The following ARHGEF28 variants were observed in gnomAD, a reference collection of about 807,000 sequenced individuals.
ARHGEF28 encodes the protein 190 kDa guanine nucleotide exchange factor.
Under a neutral mutation model 206.6 loss-of-function variants are expected in ARHGEF28, and 152 were observed. The observed-to-expected ratio is 0.74, with a 90% confidence interval of 0.64 to 0.84. The LOEUF (loss-of-function observed/expected upper bound fraction) is 0.84. Among genes scored for constraint, ARHGEF28 ranks in the 40% least tolerant of loss-of-function variants. ARHGEF28 has a pLI of 0.00. For synonymous variants in ARHGEF28, 763 were observed against 776.4 expected (o/e 0.98, Z 0.29); for missense variants, 2,028 against 2,073.2 (o/e 0.98, Z 0.42).
chr5:73,923,010 A>C, intron 35 of ARHGEF28: 1 of 1,350,454 alleles, frequency 7.4e-7, no homozygotes, highest in Non-Finnish European at 1.0e-6. Context: ...GGAGGGAAAA[A>C]ACACAATGAA....
rs564920564 is a variant in ARHGEF28 at position 73,638,798 on chromosome 5, C to T, written c.-12+12476C>T. On this transcript the variant is annotated intron_variant, in intron 1 of 35. Transcript: ENST00000513042. The stretch of plus-strand genomic sequence containing the variant: ...ATACTAATCGAATGAATCACCACCT[C>T]ATGTGTTGTTTTGATAGGAAGTGTA... Among the ~76,000 whole-genome samples the T allele has an allele frequency of 3.3e-5, 5 of 152,258 alleles. No homozygotes were observed. In the East Asian group the frequency reaches 9.6e-4, roughly 29 times the overall value.
chr5:73,629,866 G>A (rs1459344972), intron 1 of ARHGEF28, among the ~76,000 whole-genome samples: 4 of 152,058 alleles, frequency 2.6e-5, no homozygotes, highest in Non-Finnish European at 4.4e-5. Context: ...TAAATAACTC[G>A]AGGTCTGATT....
At chr5:73,726,832 A>G (rs1232327496) in intron 2 of ARHGEF28, among the ~76,000 whole-genome samples, 1 of 152,120 alleles carries the variant, frequency 6.6e-6, no homozygotes, top group Non-Finnish European at 1.5e-5. Context: ...GTTTCCCTTC[A>G]GTGTTGAGTG....
chr5:73,875,010 G>A lies in ARHGEF28; in HGVS notation c.2814+1764G>A, dbSNP rs1760364492. On this transcript the variant is annotated intron_variant, in intron 22 of 35. Coordinates refer to ENST00000513042, the MANE Select transcript of ARHGEF28 (RefSeq NM_001177693.2). ...AATCGCCACACTGACTTCCACAATGGTTGAACTAGTTTACAGTCCCACCAA... is the reference window on the plus strand; with the variant it reads ...AATCGCCACACTGACTTCCACAATGATTGAACTAGTTTACAGTCCCACCAA... Among the ~76,000 whole-genome samples the A allele has an allele frequency of 2.6e-5, 4 of 151,802 alleles. 1 individual carries two copies. In the South Asian group the frequency reaches 8.3e-4, roughly 32 times the overall value.
intron 35 of ARHGEF28, among the ~76,000 whole-genome samples, chr5:73,928,240 AC>A (rs1291354294): frequency 6.6e-6 from 1 of 152,004 alleles, no homozygotes; most frequent in African/African-American, 2.4e-5. Context: ...ACATGGTAAA[AC>A]CCCGTCTCTA....
At chr5:73,893,693 C>T (rs1014962846) in intron 28 of ARHGEF28, among the ~76,000 whole-genome samples, 1 of 152,170 alleles carries the variant, frequency 6.6e-6, no homozygotes, top group Non-Finnish European at 1.5e-5. Flanking sequence ...CAGTGATTCT[C>T]TACTCTGGTT....
intron 1 of ARHGEF28, among the ~76,000 whole-genome samples, chr5:73,671,708 A>G (rs1330724463): frequency 6.8e-4 from 9 of 13,164 alleles, no homozygotes; most frequent in African/African-American, 1.9e-3. Flanking sequence ...ATATATATAT[A>G]TATATATATA....
chr5:73,774,247 G>A (rs1394752276), intron 5 of ARHGEF28, among the ~76,000 whole-genome samples: 1 of 152,108 alleles, frequency 6.6e-6, no homozygotes, highest in Non-Finnish European at 1.5e-5. Flanking sequence ...GGTCTCAAAA[G>A]GCTCTGAAAG....
chr5:73,874,478 G>A (rs1760313382), intron 22 of ARHGEF28, among the ~76,000 whole-genome samples: 2 of 151,144 alleles, frequency 1.3e-5, no homozygotes, highest in South Asian at 2.1e-4. Context: ...AGTTACATAT[G>A]TATACATGTG....
intron 2 of ARHGEF28, among the ~76,000 whole-genome samples, chr5:73,709,865 A>G (rs1194006932): frequency 6.6e-6 from 1 of 152,166 alleles, no homozygotes; most frequent in Non-Finnish European, 1.5e-5. Context: ...TACTTAGCAA[A>G]ATGCATTTCC....
intron 2 of ARHGEF28, among the ~76,000 whole-genome samples, chr5:73,702,089 T>C (rs1452721686): frequency 6.6e-6 from 1 of 152,226 alleles, no homozygotes; most frequent in Non-Finnish European, 1.5e-5. Flanking sequence ...CAAACAATTT[T>C]CCAGAATGGC....
chr5:73,843,524 A>G (rs1387798149), intron 11 of ARHGEF28, among the ~76,000 whole-genome samples: 2 of 152,208 alleles, frequency 1.3e-5, no homozygotes, highest in Non-Finnish European at 2.9e-5. Flanking sequence ...AGTGAAATGC[A>G]CTTAATTTGT....
rs750148196 is a variant in ARHGEF28 at position 73,886,066 on chromosome 5, G to C, written c.3272G>C (p.Gly1091Ala). 1.2e-6 allele frequency: 2 copies of C among 1,613,160 alleles called. No individual in the cohort carries two copies. Among genetic ancestry groups the C allele is most frequent in the South Asian group, 2.2e-5 (2 of 90,798 alleles). Residue 1091 changes from glycine (G) to alanine (A), a missense_variant, in exon 25 of 36, where the codon GGC becomes GCC. By Grantham distance (60) the Gly-to-Ala change is moderately conservative (BLOSUM62 0). This residue lies in a region of ARHGEF28 where 803 missense variants were observed against 768.0 expected (regional missense o/e 1.05). Transcript: ENST00000513042. ...GAAGAAAGGACTCTGTTATATGATG[G>C]CCTTGTTTACTGGAAAACTGCTACA... ...MSEERTLLYDGLVYWKTATGR... is the reference protein window; with the variant it reads ...MSEERTLLYDALVYWKTATGR...
chr5:73,668,094 C>T (rs1580459967), intron 1 of ARHGEF28, among the ~76,000 whole-genome samples: 1 of 152,168 alleles, frequency 6.6e-6, no homozygotes, highest in African/African-American at 2.4e-5. Context: ...TCTGAGCCCT[C>T]ACCAGCATTG....
chr5:73,941,142 G>T lies in ARHGEF28; in HGVS notation c.*129G>T. 1.0e-6 allele frequency: 1 copy of T among 967,430 alleles called. No homozygotes were observed. The highest frequency in any genetic ancestry group is 3.5e-5 in the South Asian group (1 of 28,850). 59.9% of individuals were successfully genotyped at this position (967,430 alleles called of 1,614,324 possible). A position where few individuals can be genotyped will look rare whatever the true frequency, so the allele number is the denominator to read the frequency against. On this transcript the variant is annotated 3_prime_UTR_variant, in exon 36 of 36. Coordinates refer to ENST00000513042, the MANE Select transcript of ARHGEF28 (RefSeq NM_001177693.2). The stretch of plus-strand genomic sequence containing the variant: ...TTAAGAATAATATTTAATATTTCCT[G>T]GAAGCTCATTTTTTTGGCATGAGTC...
rs369550699 is a variant in ARHGEF28 at position 73,740,293 on chromosome 5, A to G, written c.34-9544A>G. ...AAATATTGAAGCAATTAATCAATCT[A>G]GAATTATATACCAGATATTATAGAT... On this transcript the variant is annotated intron_variant, in intron 2 of 35. Transcript: ENST00000513042. Among the ~76,000 whole-genome samples, 94 of 152,338 alleles carry G rather than the reference A, an allele frequency of 6.2e-4. 2 individuals are homozygous for G. Among genetic ancestry groups the G allele is most frequent in the African/African-American group, 2.1e-3 (88 of 41,588 alleles).
intron 7 of ARHGEF28, among the ~76,000 whole-genome samples, chr5:73,787,105 G>A (rs748005193): frequency 6.6e-6 from 1 of 152,176 alleles, no homozygotes; most frequent in Non-Finnish European, 1.5e-5. Context: ...CTAGCTCAAG[G>A]GCTTTTTAGG....
intron 1 of ARHGEF28, among the ~76,000 whole-genome samples, chr5:73,674,799 C>T (rs906497749): frequency 2.0e-5 from 3 of 152,170 alleles, no homozygotes; most frequent in African/African-American, 7.2e-5. Context: ...TGTAATGAAG[C>T]TTCCTTAAAA....
intron 35 of ARHGEF28, among the ~76,000 whole-genome samples, chr5:73,936,925 T>C (rs1435172854): frequency 6.6e-6 from 1 of 152,146 alleles, no homozygotes; most frequent in Non-Finnish European, 1.5e-5. Context: ...GATGATAGTC[T>C]GGTCTTGAAA....
Sources: gnomAD v4.1 joint callset for allele counts (sites outside exome capture counted in the v4.1 genomes callset) on GRCh38, gnomAD v4.1.1 for gene constraint, gnomAD v4.1.1 regional missense constraint, MANE v1.5 for transcripts, NCBI Gene and HGNC (gene_info 2026-07-23, HGNC 2026-07-21) for gene names.